Variants in PWP1 observed in about 807,000 individuals in gnomAD.
PWP1 encodes the protein periodic tryptophan protein 1 homolog.
A neutral mutation model predicts 69.9 loss-of-function variants in PWP1; 47 were observed. The ratio of observed to expected loss-of-function variants is 0.67; its 90% CI spans 0.53 to 0.86. PWP1 has a LOEUF of 0.86. Ranked by LOEUF, PWP1 falls within the 40% of genes least tolerant of loss-of-function variation. PWP1 has a pLI of 0.00. For missense variants in PWP1, 551 were observed against 608.8 expected (o/e 0.91, Z 1.00); for synonymous variants, 222 against 208.2 (o/e 1.07, Z -0.57).
At chr12:107,699,536 T>C in intron 8 of PWP1, 102 bp downstream of exon 8, 1 of 935,842 alleles carries the variant, frequency 1.1e-6, no homozygotes, top group African/African-American at 1.7e-5. Flanking sequence ...GACCTTTGTG[T>C]CTATCTTCCT....
At chr12:107,707,926 G>A (rs1436745330) in intron 11 of PWP1, among the ~76,000 whole-genome samples, 1 of 152,050 alleles carries the variant, frequency 6.6e-6, no homozygotes, top group Non-Finnish European at 1.5e-5. Context: ...AAATGAGTTA[G>A]GGGGGAAAGA....
intron 7 of PWP1, among the ~76,000 whole-genome samples, chr12:107,698,256 G>T (rs947959996): frequency 3.9e-5 from 6 of 152,200 alleles, no homozygotes; most frequent in Non-Finnish European, 5.9e-5. Flanking sequence ...CAGCTACTTG[G>T]GAGGCTGAGG....
intron 3 of PWP1, among the ~76,000 whole-genome samples, chr12:107,691,866 G>A (rs1392455549): frequency 6.6e-6 from 1 of 152,128 alleles, no homozygotes; most frequent in South Asian, 2.1e-4. Context: ...GCAGTACTTA[G>A]AAAGGAATCA....
chr12:107,691,999 A>G (rs1382047927), intron 3 of PWP1, among the ~76,000 whole-genome samples: 1 of 152,200 alleles, frequency 6.6e-6, no homozygotes, highest in Non-Finnish European at 1.5e-5. Flanking sequence ...CCAGCAGAGG[A>G]TAGTTTTTTC....
intron 11 of PWP1, 136 bp downstream of exon 11, chr12:107,704,883 A>C (rs1211903291): frequency 1.4e-5 from 9 of 623,338 alleles, no homozygotes; most frequent in Non-Finnish European, 2.1e-5. Context: ...TGAAAGCATA[A>C]GGTGTTTTTT....
intron 1 of PWP1, among the ~76,000 whole-genome samples, chr12:107,688,030 CAAAAAAAAAAAAAAAAAAAA>C (rs56255249): frequency 4.5e-4 from 17 of 37,622 alleles, no homozygotes; most frequent in African/African-American, 1.7e-3. Context: ...GACTCCGTCT[CAAAAAAAAAAAAAAAAAAAA>C]AAAAAAAAAA....
chr12:107,712,568 G>T lies in PWP1; in HGVS notation c.*348G>T. 1 of 170,672 alleles carries T rather than the reference G, an allele frequency of 5.9e-6. No homozygotes were observed. The highest frequency in any genetic ancestry group is 1.6e-4 in the East Asian group (1 of 6,294). 10.6% of individuals were successfully genotyped at this position (170,672 alleles called of 1,614,324 possible). On this transcript the variant is annotated 3_prime_UTR_variant, in exon 15 of 15. Coordinates refer to ENST00000412830, the MANE Select transcript of PWP1 (RefSeq NM_007062.3). ...TAAAATCCGGTAATATTAAAAGATA[G>T]GTAAACCTAGGCCTGGAAAGGCTGT...
At chr12:107,702,858 G>A (rs1375702042) in intron 8 of PWP1, 77 bp from the exon 9 acceptor site, 6 of 887,748 alleles carry the variant, frequency 6.8e-6, no homozygotes, top group Non-Finnish European at 1.1e-5. Flanking sequence ...TGATGCTATT[G>A]TAAATGCAAT....
At chr12:107,686,218 T>G in intron 1 of PWP1, 2 of 573,038 alleles carry the variant, frequency 3.5e-6, no homozygotes, top group Non-Finnish European at 6.3e-6. Flanking sequence ...CACTCCCAAA[T>G]TCGCACGCAC....
intron 1 of PWP1, 60 bp from the exon 2 acceptor site, chr12:107,688,388 A>G (rs940156058): frequency 3.4e-6 from 5 of 1,481,826 alleles, no homozygotes; most frequent in Middle Eastern, 4.6e-4. Flanking sequence ...CTACTTTTTA[A>G]TTCAAATAAT....
chr12:107,692,468 T>G (rs10746092), intron 3 of PWP1, among the ~76,000 whole-genome samples: 85,310 of 152,100 alleles, frequency 0.56, 26,526 homozygotes, highest in East Asian at 0.71. Context: ...TTCCAGGTCC[T>G]CAAGGCTGCC....
Position 107,688,691 on chromosome 12 carries a change from G to C in PWP1, c.208G>C (p.Ala70Pro), listed in dbSNP as rs556499588. 1 of 1,614,188 alleles carries C rather than the reference G, an allele frequency of 6.2e-7. No individual in the cohort carries two copies. Among genetic ancestry groups the C allele is most frequent in the Admixed American group, 1.7e-5 (1 of 60,032 alleles). The change falls in exon 3 of 15, where the codon GCA (alanine) becomes CCA (proline). Residue 70 changes from alanine (A) to proline (P), a missense_variant. Ala to Pro is a conservative substitution (Grantham distance 27, BLOSUM62 -1). Transcript: ENST00000412830. Reference protein sequence around the residue: ...EDGMQSARTQARPREPLEDGD... With the variant: ...EDGMQSARTQPRPREPLEDGD... ...TGGCATGCAGAGTGCACGCACCCAG[G>C]CACGCCCAAGAGAGCCCCTGGAGGA...
At chr12:107,710,908 G>A (rs968025522) in intron 14 of PWP1, among the ~76,000 whole-genome samples, 1 of 152,162 alleles carries the variant, frequency 6.6e-6, no homozygotes, top group Non-Finnish European at 1.5e-5. Flanking sequence ...TTTAAGTGTA[G>A]ATCATTTAAG....
At chr12:107,693,988 T>C (rs1372392769) in intron 5 of PWP1, among the ~76,000 whole-genome samples, 1 of 152,244 alleles carries the variant, frequency 6.6e-6, no homozygotes, top group Non-Finnish European at 1.5e-5. Context: ...CCTTTCTTAC[T>C]TAAGGAATAT....
intron 13 of PWP1, among the ~76,000 whole-genome samples, chr12:107,709,847 C>T (rs1889909356): frequency 1.3e-5 from 2 of 151,798 alleles, no homozygotes; most frequent in African/African-American, 2.4e-5. Context: ...TTTGTAGTAC[C>T]ATCTCATGCT....
At chr12:107,686,335 C>A (rs1889364756) in intron 1 of PWP1, among the ~76,000 whole-genome samples, 1 of 152,218 alleles carries the variant, frequency 6.6e-6, no homozygotes, top group South Asian at 2.1e-4. Context: ...AGTGCATTTT[C>A]AAGCATAACT....
intron 7 of PWP1, among the ~76,000 whole-genome samples, chr12:107,698,373 C>G (rs953380945): frequency 1.3e-5 from 2 of 151,862 alleles, no homozygotes; most frequent in African/African-American, 4.8e-5. Context: ...AAAAAAAGAA[C>G]TGCTAGGCCA....
chr12:107,697,603 G>A lies in PWP1; in HGVS notation c.744+6G>A. ...AGAAAAAGAAAGGAAAGAAGGTAAA[G>A]AAGTTAATAAATATTTAAACTCTAA... is the stretch of plus-strand genomic sequence containing the variant. On this transcript the variant is annotated splice_donor_region_variant and intron_variant, in intron 7 of 14. Coordinates refer to ENST00000412830, the MANE Select transcript of PWP1 (RefSeq NM_007062.3). 1 of 1,598,982 alleles carries A rather than the reference G, an allele frequency of 6.3e-7. No homozygotes were observed. The highest frequency in any genetic ancestry group is 8.5e-7 in the Non-Finnish European group (1 of 1,174,060).
At position 107,702,985 on chromosome 12, in the gene PWP1, T is replaced by C. The variant is rs141450163; in HGVS notation, c.857T>C (p.Met286Thr). ...GACAACACTGTAATTCTGTGGGATA[T>C]GTCCTTGGGGAAACCAGCAGCTAGC... The part of the protein sequence containing the change: ...SADNTVILWD[M>T]SLGKPAASLA... The change falls in exon 9 of 15, where the codon ATG (methionine) becomes ACG (threonine). Residue 286 changes from methionine to threonine, a missense_variant. Met to Thr is a moderately conservative substitution (Grantham distance 81, BLOSUM62 -1). Transcript: ENST00000412830. 8,187 of 1,612,434 alleles carry C rather than the reference T, an allele frequency of 5.1e-3. 27 individuals carry two copies. Among genetic ancestry groups the C allele is most frequent in the Admixed American group, 5.8e-3 (347 of 60,014 alleles).
Sources: allele counts gnomAD v4.1 joint callset (sites outside exome capture counted in the v4.1 genomes callset), GRCh38; gene constraint gnomAD v4.1.1; transcripts MANE v1.5; gene names NCBI Gene and HGNC (gene_info 2026-07-23, HGNC 2026-07-21).